CACNA1E: variants seen among roughly 807,000 people sequenced by gnomAD.
CACNA1E encodes voltage-dependent R-type calcium channel subunit alpha-1E.
A neutral mutation model predicts 259.2 loss-of-function variants in CACNA1E; 40 were observed. The observed-to-expected ratio is 0.15, with a 90% CI of 0.12 to 0.20. The LOEUF (loss-of-function observed/expected upper bound fraction) is 0.20. CACNA1E is among the 10% of genes least tolerant of loss of function. CACNA1E has a pLI of 1.00. For synonymous variants in CACNA1E, 1,104 were observed against 1,138.5 expected (o/e 0.97, Z 0.61); for missense variants, 1,874 against 3,040.1 (o/e 0.62, Z 9.02).
chr1:181,510,073 A>C (rs1666035602), intron 1 of CACNA1E, among the ~76,000 whole-genome samples: 1 of 152,224 alleles, frequency 6.6e-6, no homozygotes, highest in South Asian at 2.1e-4. Flanking sequence ...AGTGGTTTGA[A>C]GACTGGGGAG....
At chr1:181,462,326 T>C (rs1394283424) in intron 2 of CACNA1E, among the ~76,000 whole-genome samples, 1 of 152,220 alleles carries the variant, frequency 6.6e-6, no homozygotes, top group African/African-American at 2.4e-5. Flanking sequence ...TCTTGAGAAG[T>C]ATTGCCCTAC....
intron 2 of CACNA1E, among the ~76,000 whole-genome samples, chr1:181,477,569 T>C (rs1238834758): frequency 1.3e-5 from 2 of 152,216 alleles, no homozygotes; most frequent in South Asian, 4.1e-4. Flanking sequence ...CTCCAGACAC[T>C]GGTCTCTACT....
At chr1:181,549,873 G>T (rs146753667) in intron 3 of CACNA1E, among the ~76,000 whole-genome samples, 7 of 152,308 alleles carry the variant, frequency 4.6e-5, no homozygotes, top group African/African-American at 1.2e-4. Flanking sequence ...GAACAGGCAG[G>T]CAGGAGCTCT....
At chr1:181,681,013 G>A (rs1194185981) in intron 7 of CACNA1E, among the ~76,000 whole-genome samples, 1 of 152,220 alleles carries the variant, frequency 6.6e-6, no homozygotes, top group African/African-American at 2.4e-5. Flanking sequence ...AGGCTGCAGA[G>A]GGAGCACTGT....
At chr1:181,356,705 T>C (rs1450670357) in intron 1 of CACNA1E, among the ~76,000 whole-genome samples, 1 of 152,172 alleles carries the variant, frequency 6.6e-6, no homozygotes, top group Non-Finnish European at 1.5e-5. Context: ...GCTGCGGCGG[T>C]GGAGGCTGTT....
At chr1:181,410,556 T>C (rs1006059408) in intron 1 of CACNA1E, among the ~76,000 whole-genome samples, 9 of 152,204 alleles carry the variant, frequency 5.9e-5, no homozygotes, top group African/African-American at 2.2e-4. Context: ...TCAGGCTTTA[T>C]CATGTATGCG....
chr1:181,481,218 A>G (rs1472714835), upstream of CACNA1E, among the ~76,000 whole-genome samples: 1 of 152,180 alleles, frequency 6.6e-6, no homozygotes, highest in African/African-American at 2.4e-5. Context: ...ACTCACCTTG[A>G]ATAGTAATTT....
intron 34 of CACNA1E, among the ~76,000 whole-genome samples, chr1:181,764,636 G>A (rs1050928013): frequency 1.3e-5 from 2 of 152,146 alleles, no homozygotes; most frequent in East Asian, 3.9e-4. Flanking sequence ...GAAAGTGTTT[G>A]GCGTAATGAC....
At chr1:181,540,144 C>T (rs1253845637) in intron 3 of CACNA1E, among the ~76,000 whole-genome samples, 1 of 152,052 alleles carries the variant, frequency 6.6e-6, no homozygotes, top group Non-Finnish European at 1.5e-5. Context: ...TCACAAAATC[C>T]CCCGATGTAA....
At position 181,790,499 on chromosome 1, in the gene CACNA1E, C is replaced by G; in HGVS notation, c.5841C>G (p.Phe1947Leu). The change falls in exon 44 of 48, where the codon TTC becomes TTG. Residue 1947 changes from phenylalanine to leucine, a missense_variant. This residue lies in a region of CACNA1E where 542 missense variants were observed against 587.2 expected (regional missense o/e 0.92). Coordinates refer to ENST00000367573, the MANE Select transcript of CACNA1E (RefSeq NM_001205293.3). ...SMSPLSPQDIFQLACMDPADD... is the reference protein window; with the variant it reads ...SMSPLSPQDILQLACMDPADD... ...GTCCACTCTCTCCCCAGGATATATT[C>G]CAGTTGGCTTGTATGGACCCCGCCG... is the stretch of plus-strand genomic sequence containing the variant. 6.2e-7 allele frequency: 1 copy of G among 1,613,622 alleles called. No individual in the cohort carries two copies. The highest frequency in any genetic ancestry group is 8.5e-7 in the Non-Finnish European group (1 of 1,179,568).
chr1:181,378,599 CTTATAAG>C (rs2101986196), intron 1 of CACNA1E, among the ~76,000 whole-genome samples: 2 of 152,236 alleles, frequency 1.3e-5, no homozygotes, highest in East Asian at 3.9e-4. Flanking sequence ...CAGCTGAGTA[CTTATAAG>C]TGCATGTATG....
At chr1:181,679,349 A>G (rs187633943) in intron 7 of CACNA1E, among the ~76,000 whole-genome samples, 54 of 152,226 alleles carry the variant, frequency 3.5e-4, no homozygotes, top group African/African-American at 1.3e-3. Flanking sequence ...TAAATTGGGG[A>G]CTAGGATTTT....
chr1:181,371,927 C>T (rs965229603), intron 1 of CACNA1E, among the ~76,000 whole-genome samples: 1 of 152,186 alleles, frequency 6.6e-6, no homozygotes, highest in Non-Finnish European at 1.5e-5. Context: ...GTTCGTTAAC[C>T]TGTTCCATTA....
chr1:181,381,980 T>C (rs1655488521), intron 1 of CACNA1E, among the ~76,000 whole-genome samples: 1 of 151,968 alleles, frequency 6.6e-6, no homozygotes, highest in African/African-American at 2.4e-5. Flanking sequence ...CACATGAGCA[T>C]GGAGGTGAGA....
chr1:181,415,416 A>G (rs893581767), intron 2 of CACNA1E, among the ~76,000 whole-genome samples: 9 of 152,166 alleles, frequency 5.9e-5, no homozygotes, highest in Admixed American at 2.0e-4. Flanking sequence ...AAACCAGGGT[A>G]CACACATCAA....
In CACNA1E at chr1:181,805,139, A is replaced by C. The variant is rs1332173322; in HGVS notation, c.*6305A>C. The C allele has an allele frequency of 6.6e-6, 1 of 152,164 alleles. No individual in the cohort carries two copies. Among genetic ancestry groups the C allele is most frequent in the Non-Finnish European group, 1.5e-5 (1 of 68,036 alleles). 9.4% of individuals were successfully genotyped at this position (152,164 alleles called of 1,614,324 possible). On this transcript the variant is annotated 3_prime_UTR_variant, in exon 48 of 48. Transcript: ENST00000367573. ...GAGATGAGAATGGATTGCTGTCTAC[A>C]TTCTACAACCAGACCCTAGACTTTA...
At chr1:181,510,375 C>G (rs1298999668) in intron 1 of CACNA1E, 102 bp from the exon 2 acceptor site, 2 of 759,022 alleles carry the variant, frequency 2.6e-6, no homozygotes, top group South Asian at 1.5e-5. Context: ...GCAAACTGCA[C>G]AGACACAATG....
chr1:181,673,238 G>A (rs1648994322), intron 7 of CACNA1E, among the ~76,000 whole-genome samples: 1 of 133,272 alleles, frequency 7.5e-6, no homozygotes, highest in African/African-American at 2.5e-5. Flanking sequence ...GTGTGTGTGT[G>A]TGTGTATTTT....
At chr1:181,626,552 A>C (rs1656221602) in intron 6 of CACNA1E, among the ~76,000 whole-genome samples, 1 of 152,212 alleles carries the variant, frequency 6.6e-6, no homozygotes, top group Non-Finnish European at 1.5e-5. Context: ...TTTACCTTGC[A>C]TGCAGTTTTC....
Sources: allele counts gnomAD v4.1 joint callset (sites outside exome capture counted in the v4.1 genomes callset), GRCh38; gene constraint gnomAD v4.1.1; regional missense constraint gnomAD v4.1.1; transcripts MANE v1.5; gene names NCBI Gene and HGNC (gene_info 2026-07-23, HGNC 2026-07-21).